EZH2: variants seen among roughly 807,000 people sequenced by gnomAD.
EZH2 encodes enhancer of zeste 2 polycomb repressive complex 2 subunit.
A neutral mutation model predicts 98.4 loss-of-function variants in EZH2; 18 were observed. The observed-to-expected ratio is 0.18, with a 90% confidence interval of 0.13 to 0.27. The LOEUF (loss-of-function observed/expected upper bound fraction) is 0.27. Ranked by LOEUF, EZH2 falls within the 10% of genes least tolerant of loss-of-function variation. The pLI is 1.00. For missense variants in EZH2, 470 were observed against 935.1 expected, an observed-to-expected ratio of 0.50 and a Z score of 6.49; for synonymous variants, 338 against 312.3, an observed-to-expected ratio of 1.08 and a Z score of -0.87.
chr7:148,807,411 T>C lies in EZH2; in HGVS notation c.*235A>G. ...AAGTTCAAGTATTCTTTATTCAAAG[T>C]TGAAAAATGTACCATACTGCATTAT... is the stretch of plus-strand genomic sequence containing the variant. On this transcript the variant is annotated 3_prime_UTR_variant, in exon 20 of 20. Coordinates refer to ENST00000320356, the MANE Select transcript of EZH2 (RefSeq NM_004456.5). 4.0e-6 allele frequency: 2 copies of C among 505,698 alleles called. No homozygotes were observed. Among genetic ancestry groups the C allele is most frequent in the Non-Finnish European group, 7.0e-6 (2 of 284,456 alleles). The allele number at this position is 505,698 out of a possible 1,614,324, so 31.3% of individuals were successfully genotyped here. A position where few individuals can be genotyped will look rare whatever the true frequency, so the allele number is the denominator to read the frequency against.
At chr7:148,852,798 C>G (rs1351898919) in intron 1 of EZH2, among the ~76,000 whole-genome samples, 1 of 152,114 alleles carries the variant, frequency 6.6e-6, no homozygotes, top group Non-Finnish European at 1.5e-5. Flanking sequence ...AAGAAATTCC[C>G]ATCTTTTTTT....
chr7:148,846,874 GTGTGTGTGTA>G (rs1165745325), intron 2 of EZH2, among the ~76,000 whole-genome samples: 4 of 117,860 alleles, frequency 3.4e-5, no homozygotes, highest in African/African-American at 1.2e-4. Context: ...GTGTGTGTGT[GTGTGTGTGTA>G]TTTTTTTTTT....
intron 1 of EZH2, among the ~76,000 whole-genome samples, chr7:148,873,271 C>T (rs1819675021): frequency 1.3e-5 from 2 of 152,126 alleles, no homozygotes; most frequent in South Asian, 4.1e-4. Context: ...GCAGGCAGAT[C>T]ACCTGAGGTC....
intron 1 of EZH2, among the ~76,000 whole-genome samples, chr7:148,858,730 C>T (rs904183664): frequency 1.3e-5 from 2 of 152,064 alleles, no homozygotes; most frequent in Admixed American, 6.5e-5. Flanking sequence ...AAGTGTCTCA[C>T]TATAGTGTCC....
intron 6 of EZH2, among the ~76,000 whole-genome samples, chr7:148,828,203 T>C (rs1347455799): frequency 1.3e-5 from 2 of 152,166 alleles, no homozygotes; most frequent in Non-Finnish European, 2.9e-5. Flanking sequence ...AAGTGATTAG[T>C]ACACAACTTG....
intron 1 of EZH2, among the ~76,000 whole-genome samples, chr7:148,879,992 C>T (rs900580864): frequency 6.6e-6 from 1 of 152,156 alleles, no homozygotes; most frequent in Non-Finnish European, 1.5e-5. Context: ...ACTGGTAATA[C>T]CAGTTACTCA....
intron 8 of EZH2, among the ~76,000 whole-genome samples, chr7:148,821,665 A>G (rs1223812650): frequency 6.6e-6 from 1 of 152,190 alleles, no homozygotes; most frequent in Non-Finnish European, 1.5e-5. Flanking sequence ...TCTCAAAAAA[A>G]GAAAAAGAAA....
At chr7:148,828,396 G>A (rs1341677749) in intron 6 of EZH2, among the ~76,000 whole-genome samples, 1 of 151,908 alleles carries the variant, frequency 6.6e-6, no homozygotes, top group African/African-American at 2.4e-5. Context: ...ACTGTGCAGT[G>A]GCACAATCAC....
At chr7:148,853,147 G>C (rs532659269) in intron 1 of EZH2, among the ~76,000 whole-genome samples, 2 of 152,244 alleles carry the variant, frequency 1.3e-5, no homozygotes, top group South Asian at 4.1e-4. Context: ...GGCCAGGCAT[G>C]GTGGCTCATA....
intron 1 of EZH2, among the ~76,000 whole-genome samples, chr7:148,877,207 C>T (rs1455235854): frequency 1.3e-5 from 2 of 152,000 alleles, no homozygotes; most frequent in Non-Finnish European, 2.9e-5. Flanking sequence ...GAATATACAC[C>T]AAACCGTTAA....
intron 16 of EZH2, 43 bp downstream of exon 16, chr7:148,811,582 A>C (rs781523688): frequency 1.4e-6 from 2 of 1,439,612 alleles, no homozygotes; most frequent in Admixed American, 3.4e-5. Context: ...AAGTAAAGTT[A>C]GTATATACAA....
At chr7:148,879,851 T>C (rs1820715236) in intron 1 of EZH2, among the ~76,000 whole-genome samples, 1 of 150,418 alleles carries the variant, frequency 6.6e-6, no homozygotes, top group Admixed American at 6.6e-5. Flanking sequence ...CAGCCTGTCA[T>C]CCCTGTACTT....
At chr7:148,826,349 G>GT (rs1807705923) in intron 8 of EZH2, 105 bp downstream of exon 8, 1 of 871,594 alleles carries the variant, frequency 1.1e-6, no homozygotes, top group Non-Finnish European at 1.6e-6. Context: ...ATTTGTCAAA[G>GT]TAACTACAAG....
intron 1 of EZH2, among the ~76,000 whole-genome samples, chr7:148,869,912 G>C (rs930276675): frequency 1.3e-5 from 2 of 152,104 alleles, no homozygotes; most frequent in African/African-American, 4.8e-5. Context: ...GCTACTGGTG[G>C]GATGTAGCCC....
chr7:148,807,988 A>G (rs1164645604), intron 19 of EZH2, among the ~76,000 whole-genome samples: 2 of 152,142 alleles, frequency 1.3e-5, no homozygotes, highest in African/African-American at 4.8e-5. Flanking sequence ...AGCCTCCCCT[A>G]TGCCTCTGAA....
chr7:148,820,129 A>G (rs975457248), intron 8 of EZH2, among the ~76,000 whole-genome samples: 1 of 152,198 alleles, frequency 6.6e-6, no homozygotes, highest in African/African-American at 2.4e-5. Flanking sequence ...GTAAAAACTC[A>G]TTTTTAATGA....
chr7:148,817,771 C>G (rs1442543758), intron 10 of EZH2, 106 bp downstream of exon 10: 1 of 1,472,324 alleles, frequency 6.8e-7, no homozygotes. Context: ...GGTCTTTATA[C>G]TGAAACTAAC....
At chr7:148,819,232 T>C (rs988488863) in intron 9 of EZH2, among the ~76,000 whole-genome samples, 25 of 152,192 alleles carry the variant, frequency 1.6e-4, no homozygotes, top group Admixed American at 9.2e-4. Flanking sequence ...TAGAGGGATA[T>C]GGCTATGAGA....
intron 1 of EZH2, among the ~76,000 whole-genome samples, chr7:148,866,370 A>C (rs1477093390): frequency 6.6e-6 from 1 of 151,748 alleles, no homozygotes; most frequent in Non-Finnish European, 1.5e-5. Flanking sequence ...CAAGAGTCTG[A>C]CTGAGGGAGT....
Sources: gnomAD v4.1 joint callset for allele counts (sites outside exome capture counted in the v4.1 genomes callset) on GRCh38, gnomAD v4.1.1 for gene constraint, MANE v1.5 for transcripts, NCBI Gene and HGNC (gene_info 2026-07-23, HGNC 2026-07-21) for gene names.